The following SIX5 variants were observed in gnomAD, a reference collection of about 807,000 sequenced individuals.
The protein encoded by SIX5 is SIX homeobox 5, also known as homeobox protein SIX5.
SIX5 carries 21 observed loss-of-function variants against 37.1 expected under a neutral mutation model. That is an observed-to-expected ratio of 0.57 (90% CI 0.40 to 0.81). The LOEUF (loss-of-function observed/expected upper bound fraction) is 0.81. Ranked by LOEUF, SIX5 falls within the 40% of genes least tolerant of loss-of-function variation. The probability of loss-of-function intolerance (pLI) is 0.00; values close to 1 mark genes in which losing one functional copy is unlikely to be tolerated. For synonymous variants in SIX5, 626 were observed against 505.9 expected, an observed-to-expected ratio of 1.24 and a Z score of -3.19; for missense variants, 1,137 against 1,025.1, an observed-to-expected ratio of 1.11 and a Z score of -1.49.
chr19:45,765,427 G>C lies in SIX5; in HGVS notation c.*74C>G. 1 of 1,605,750 alleles carries C rather than the reference G, an allele frequency of 6.2e-7. No homozygotes were observed. Among genetic ancestry groups the C allele is most frequent in the Non-Finnish European group, 8.5e-7 (1 of 1,175,940 alleles). On this transcript the variant is annotated 3_prime_UTR_variant, in exon 3 of 3. Transcript: ENST00000317578. Reference sequence around the variant, plus strand: ...TGGGGTCTTCAGCAACCGCATTTCTGGGGCTCCCCCCTCCCATTCCTGTCC... The same window carrying C: ...TGGGGTCTTCAGCAACCGCATTTCTCGGGCTCCCCCCTCCCATTCCTGTCC...
chr19:45,767,715 G>A (rs1969106426), intron 1 of SIX5: 3 of 424,720 alleles, frequency 7.1e-6, no homozygotes, highest in Admixed American at 4.1e-5. Context: ...GCCCCTACGC[G>A]GAGTGGAGTG....
At chr19:45,767,979 A>G (rs4803853) in intron 1 of SIX5, 63 bp downstream of exon 1, 33,316 of 1,524,890 alleles carry the variant, frequency 0.022, 422 homozygotes, top group Non-Finnish European at 0.026. Context: ...GGCACGGGGG[A>G]AGAGGGCTGG....
In SIX5 at chr19:45,766,059, C is replaced by T. The variant is rs1969066038; in HGVS notation, c.1662G>A (p.Val554=). 1.2e-6 allele frequency: 2 copies of T among 1,611,894 alleles called. No homozygotes were observed. Among genetic ancestry groups the T allele is most frequent in the Non-Finnish European group, 8.5e-7 (1 of 1,179,248 alleles). ...PVSGSPIVTG[V]ALQQGKIILT... ...GGATGATCTTGCCCTGCTGCAGGGC[C>T]ACACCCGTCACGATGGGGCTGCCAG... Residue 554 remains valine (V), a synonymous_variant, in exon 3 of 3, where the codon GTG becomes GTA. Transcript: ENST00000317578.
In SIX5 at chr19:45,766,953, C is replaced by T. The variant is rs759393623; in HGVS notation, c.1006G>A (p.Val336Met). The stretch of plus-strand genomic sequence containing the variant: ...ATGACGGGGCCCCCGTTGAGGAGCA[C>T]TGCTGGGGAGCCGCTGGCTGCCAGG... ...SFLAASGSPA[V>M]LLNGGPVIIN... Residue 336 changes from valine to methionine, a missense_variant, in exon 2 of 3, where the codon GTG becomes ATG. Val to Met is a conservative substitution (Grantham distance 21). This residue lies in a region of SIX5 where 787 missense variants were observed against 621.4 expected (regional missense o/e 1.27). Coordinates refer to ENST00000317578, the MANE Select transcript of SIX5 (RefSeq NM_175875.5). 15 of 1,583,978 alleles carry T rather than the reference C, an allele frequency of 9.5e-6. No homozygotes were observed. The African/African-American group carries it at 1.5e-4, about 16-fold the overall frequency.
Position 45,767,880 on chromosome 19 carries a change from C to T in SIX5, c.803+162G>A, listed in dbSNP as rs547996322. 4.2e-4 allele frequency: 310 copies of T among 731,452 alleles called. 3 individuals carry two copies. The highest frequency in any genetic ancestry group is 4.4e-4 in the Admixed American group (15 of 34,286). 45.3% of individuals were successfully genotyped at this position (731,452 alleles called of 1,614,324 possible). A position where few individuals can be genotyped will look rare whatever the true frequency, so the allele number is the denominator to read the frequency against. On this transcript the variant is annotated intron_variant, in intron 1 of 2. Coordinates refer to ENST00000317578, the MANE Select transcript of SIX5 (RefSeq NM_175875.5). ...CCCGGGCGGGTGCCTGTCCCGTCCA[C>T]ACTTAGTCCCCGCGCCCCGCGGGCG... is the stretch of plus-strand genomic sequence containing the variant.
At position 45,769,042 on chromosome 19, in the gene SIX5, C is replaced by A; in HGVS notation, c.-198G>T. Reference sequence around the variant, plus strand: ...TCTCTGTCCCCTTGTGTGTGTCCGTCCCCCTCCCGTCTGTCTGTGATTCTC... The same window carrying A: ...TCTCTGTCCCCTTGTGTGTGTCCGTACCCCTCCCGTCTGTCTGTGATTCTC... On this transcript the variant is annotated 5_prime_UTR_variant, in exon 1 of 3. Coordinates refer to ENST00000317578, the MANE Select transcript of SIX5 (RefSeq NM_175875.5). 2 of 542,912 alleles carry A rather than the reference C, an allele frequency of 3.7e-6. No individual in the cohort carries two copies. The highest frequency in any genetic ancestry group is 6.5e-6 in the Non-Finnish European group (2 of 306,334). The allele number at this position is 542,912 out of a possible 1,614,324, so 33.6% of individuals were successfully genotyped here.
In SIX5 at chr19:45,767,162, G is replaced by A. The variant is rs565671589; in HGVS notation, c.804-7C>T. The stretch of plus-strand genomic sequence containing the variant: ...GGGATTCCCATCAGACTCGCTGGCC[G>A]GAGAAATGGCTGTCAGCTGGGGTCC... On this transcript the variant is annotated splice_polypyrimidine_tract_variant and splice_region_variant and intron_variant, in intron 1 of 2. Coordinates refer to ENST00000317578, the MANE Select transcript of SIX5 (RefSeq NM_175875.5). The A allele has an allele frequency of 4.3e-6, 7 of 1,610,730 alleles. No homozygotes were observed. In the East Asian group the frequency reaches 6.7e-5, roughly 15 times the overall value.
In SIX5 at chr19:45,766,491, C is replaced by G; in HGVS notation, c.1468G>C (p.Ala490Pro). 1 of 1,517,892 alleles carries G rather than the reference C, an allele frequency of 6.6e-7. No homozygotes were observed. Among genetic ancestry groups the G allele is most frequent in the Non-Finnish European group, 8.9e-7 (1 of 1,127,130 alleles). The allele number at this position is 1,517,892 out of a possible 1,614,324, so 94.0% of individuals were successfully genotyped here. The change falls in exon 2 of 3, where the codon GCT (alanine) becomes CCT (proline). Residue 490 changes from alanine to proline, a missense_variant. This residue lies in a region of SIX5 where 787 missense variants were observed against 621.4 expected (regional missense o/e 1.27). Transcript: ENST00000317578. ...PTSQVVTLPQ[A>P]VGPLQLLAAG... ...GCCAACAGCTGCAGGGGCCCCACAG[C>G]CTGGGGCAGGGTCACCACCTGTGAG... is the stretch of plus-strand genomic sequence containing the variant.
In SIX5 at chr19:45,768,752, T is replaced by TTCC. The variant is rs982874860; in HGVS notation, c.90_92dup (p.Glu31dup). On this transcript the variant is annotated inframe_insertion, in exon 1 of 3. Transcript: ENST00000317578. ...GCAAAGTCTGCAAGAGCTGGCGCGC[T>TTCC]TCCTCCTCCTCCTCTTCGGTCGCCG... is the stretch of plus-strand genomic sequence containing the variant. The TTCC allele has an allele frequency of 6.6e-7, 1 of 1,519,336 alleles. No individual in the cohort carries two copies. Among genetic ancestry groups the TTCC allele is most frequent in the Non-Finnish European group, 8.8e-7 (1 of 1,139,780 alleles). 94.1% of individuals were successfully genotyped at this position (1,519,336 alleles called of 1,614,324 possible).
chr19:45,765,311 G>A lies in SIX5; in HGVS notation c.*190C>T. 1 of 773,492 alleles carries A rather than the reference G, an allele frequency of 1.3e-6. No individual in the cohort carries two copies. 47.9% of individuals were successfully genotyped at this position (773,492 alleles called of 1,614,324 possible). ...ACAGAGAGGCCTCCCATCCAAAGGG[G>A]GATGGAGACCTGGACAGGAGGTGGC... On this transcript the variant is annotated 3_prime_UTR_variant, in exon 3 of 3. Transcript: ENST00000317578.
At position 45,765,884 on chromosome 19, in the gene SIX5, C is replaced by A; in HGVS notation, c.1837G>T (p.Ala613Ser). The A allele has an allele frequency of 1.3e-6, 2 of 1,593,518 alleles. No individual in the cohort carries two copies. Among genetic ancestry groups the A allele is most frequent in the Non-Finnish European group, 8.5e-7 (1 of 1,173,344 alleles). ...TGCTGTGCAGAAAGGGTGCCTAGGGCGTGAGCCTCTGGGAGAGCAGGGCTG... is the reference window on the plus strand; with the variant it reads ...TGCTGTGCAGAAAGGGTGCCTAGGGAGTGAGCCTCTGGGAGAGCAGGGCTG... ...APSPALPEAH[A>S]LGTLSAQQPP... The change falls in exon 3 of 3, where the codon GCC (alanine) becomes TCC (serine). Residue 613 changes from alanine (A) to serine (S), a missense_variant. This residue lies in a region of SIX5 where 787 missense variants were observed against 621.4 expected (regional missense o/e 1.27). Transcript: ENST00000317578.
At position 45,767,101 on chromosome 19, in the gene SIX5, G is replaced by A. The variant is rs1744198379; in HGVS notation, c.858C>T (p.Asp286=). ...ACACTGGGGCCGCCCCTCTCTCCAG[G>A]TCCTCAGGACTTCGGCTGGACTCGT... ...TEDESSRSPE[D]LERGAAPVSA... is the part of the protein sequence containing the mutation. Residue 286 remains aspartate, a synonymous_variant, in exon 2 of 3, where the codon GAC becomes GAT. Coordinates refer to ENST00000317578, the MANE Select transcript of SIX5 (RefSeq NM_175875.5). 2 of 1,612,128 alleles carry A rather than the reference G, an allele frequency of 1.2e-6. No homozygotes were observed. The highest frequency in any genetic ancestry group is 3.3e-5 in the Admixed American group (2 of 59,990).
rs534727943 is a variant in SIX5, at chr19:45,768,065, G to A, written c.780C>T (p.Ala260=). The A allele has an allele frequency of 1.3e-6, 2 of 1,598,140 alleles. No individual in the cohort carries two copies. Among genetic ancestry groups the A allele is most frequent in the East Asian group, 2.2e-5 (1 of 44,756 alleles). ...ACCTCTTGCAGGGCGCGCCGCCTCC[G>A]GCCCCGGTCCGGTCGCGCTGTCGCC... ...KNRRQRDRTG[A]GGGAPCKSES... is the part of the protein sequence containing the mutation. Residue 260 remains alanine (A), a synonymous_variant, in exon 1 of 3, where the codon GCC becomes GCT. Transcript: ENST00000317578.
chr19:45,766,583 G>C lies in SIX5; in HGVS notation c.1376C>G (p.Pro459Arg), dbSNP rs766623900. The C allele has an allele frequency of 2.7e-6, 4 of 1,470,908 alleles. No individual in the cohort carries two copies. In the East Asian group the frequency reaches 1.0e-4, roughly 37 times the overall value. The allele number at this position is 1,470,908 out of a possible 1,614,324, so 91.1% of individuals were successfully genotyped here. The change falls in exon 2 of 3, where the codon CCC (proline) becomes CGC (arginine). Residue 459 changes from proline (P) to arginine (R), a missense_variant. Physicochemically the swap from Pro to Arg is moderately radical, Grantham distance 103. Coordinates refer to ENST00000317578, the MANE Select transcript of SIX5 (RefSeq NM_175875.5). Reference sequence around the variant, plus strand: ...GCTCAGGCCCGTGGGATACCCCGGGGGTGGGGAGAGCGGTACCACTTGTGG... The same window carrying C: ...GCTCAGGCCCGTGGGATACCCCGGGCGTGGGGAGAGCGGTACCACTTGTGG... ...AAPQVVPLSPPPGYPTGLSPT... is the reference protein window; with the variant it reads ...AAPQVVPLSPRPGYPTGLSPT...
chr19:45,766,814 G>C lies in SIX5; in HGVS notation c.1145C>G (p.Thr382Ser), dbSNP rs574536767. ...PSPQGASETK[T>S]SLVLDPQTGE... ...TGTCTGAGGGTCCAGGACCAGAGAG[G>C]TCTTGGTCTCGCTGGCCCCCTGAGG... is the stretch of plus-strand genomic sequence containing the variant. Residue 382 changes from threonine (T) to serine (S), a missense_variant, in exon 2 of 3, where the codon ACC becomes AGC. Thr to Ser is a moderately conservative substitution (Grantham distance 58). This residue lies in a region of SIX5 where 787 missense variants were observed against 621.4 expected (regional missense o/e 1.27). Coordinates refer to ENST00000317578, the MANE Select transcript of SIX5 (RefSeq NM_175875.5). 1 of 1,561,104 alleles carries C rather than the reference G, an allele frequency of 6.4e-7. No individual in the cohort carries two copies. Among genetic ancestry groups the C allele is most frequent in the Non-Finnish European group, 8.6e-7 (1 of 1,156,378 alleles).
chr19:45,766,419 C>A lies in SIX5; in HGVS notation c.1540G>T (p.Ala514Ser). ...PVKVAAAAGP[A>S]NVHLINSGVG... ...CCGGAGTTGATGAGGTGCACATTGG[C>A]AGGGCCTGCTGCAGCTGCCACCTTC... The change falls in exon 2 of 3, where the codon GCC (alanine) becomes TCC (serine). Residue 514 changes from alanine to serine, a missense_variant. Ala to Ser is a moderately conservative substitution (Grantham distance 99). Transcript: ENST00000317578. The A allele has an allele frequency of 6.3e-7, 1 of 1,575,848 alleles. No homozygotes were observed. Among genetic ancestry groups the A allele is most frequent in the Non-Finnish European group, 8.6e-7 (1 of 1,161,926 alleles).
At chr19:45,766,165 CAG>C (rs1969069415) in intron 2 of SIX5, 54 bp from the exon 3 acceptor site, 1 of 1,582,992 alleles carries the variant, frequency 6.3e-7, no homozygotes, top group African/African-American at 1.3e-5. Flanking sequence ...CAGGCCAAGC[CAG>C]AGAGAAGTGG....
chr19:45,769,182 G>A lies in SIX5; in HGVS notation c.-338C>T, dbSNP rs1173644050. ...ACGCAGAAGGTAACGGGCCGTCCAGGAGGACTAAGGGCGCGAAGCCTCCGC... is the reference window on the plus strand; with the variant it reads ...ACGCAGAAGGTAACGGGCCGTCCAGAAGGACTAAGGGCGCGAAGCCTCCGC... On this transcript the variant is annotated 5_prime_UTR_variant, in exon 1 of 3. Coordinates refer to ENST00000317578, the MANE Select transcript of SIX5 (RefSeq NM_175875.5). 1.0e-5 allele frequency: 3 copies of A among 298,760 alleles called. No individual in the cohort carries two copies. The highest frequency in any genetic ancestry group is 1.9e-5 in the Non-Finnish European group (3 of 159,490). The allele number at this position is 298,760 out of a possible 1,614,324, so 18.5% of individuals were successfully genotyped here. A position where few individuals can be genotyped will look rare whatever the true frequency, so the allele number is the denominator to read the frequency against.
intron 1 of SIX5, chr19:45,767,701 G>GGCA (rs1339246930): frequency 2.3e-5 from 9 of 393,666 alleles, no homozygotes; most frequent in Non-Finnish European, 4.1e-5. Context: ...GGGGCTGGGA[G>GGCA]GCAGCCCCTA....
Sources: gnomAD v4.1 joint callset for allele counts on GRCh38, gnomAD v4.1.1 for gene constraint, gnomAD v4.1.1 regional missense constraint, MANE v1.5 for transcripts, NCBI Gene and HGNC (gene_info 2026-07-23, HGNC 2026-07-21) for gene names.